CPPED1: variants seen among roughly 807,000 people sequenced by gnomAD.
The protein encoded by CPPED1 is serine/threonine-protein phosphatase CPPED1.
Under a neutral mutation model 28.0 loss-of-function variants are expected in CPPED1, and 28 were observed. The observed-to-expected ratio is 1.00, with a 90% CI of 0.74 to 1.37. CPPED1 has a LOEUF of 1.37. CPPED1 is among the 40% of genes most tolerant of loss of function. The probability of loss-of-function intolerance (pLI) is 0.00; values close to 1 mark genes in which losing one functional copy is unlikely to be tolerated. For synonymous variants in CPPED1, 198 were observed against 180.2 expected (o/e 1.10, Z -0.79); for missense variants, 504 against 416.5 (o/e 1.21, Z -1.83).
chr16:12,688,293 G>T (rs1224671600), intron 3 of CPPED1, among the ~76,000 whole-genome samples: 21 of 148,188 alleles, frequency 1.4e-4, no homozygotes, highest in Non-Finnish European at 2.7e-4. Context: ...TAAGTAATAA[G>T]AAACAACTCT....
At chr16:12,700,110 C>A (rs1238726481) in intron 3 of CPPED1, among the ~76,000 whole-genome samples, 1 of 152,192 alleles carries the variant, frequency 6.6e-6, no homozygotes, top group Non-Finnish European at 1.5e-5. Flanking sequence ...GAAGGTCATT[C>A]AGCAAAAGGC....
intron 2 of CPPED1, among the ~76,000 whole-genome samples, chr16:12,707,738 G>A (rs570420353): frequency 1.4e-4 from 22 of 152,296 alleles, no homozygotes; most frequent in African/African-American, 5.1e-4. Flanking sequence ...ACACAGTAAT[G>A]TGATGTGTGT....
intron 2 of CPPED1, among the ~76,000 whole-genome samples, chr16:12,778,248 ATTTTC>A (rs1315694769): frequency 1.5e-5 from 2 of 133,650 alleles, no homozygotes; most frequent in African/African-American, 2.7e-5. Context: ...GGCCCAAGAT[ATTTTC>A]TTTTCTTTTT....
intron 2 of CPPED1, among the ~76,000 whole-genome samples, chr16:12,714,011 T>G (rs2080093537): frequency 6.6e-6 from 1 of 152,188 alleles, no homozygotes; most frequent in Admixed American, 6.5e-5. Context: ...TCCAGGCATT[T>G]CATAGAAATA....
At chr16:12,665,393 AGAAG>A (rs1178018219) in intron 3 of CPPED1, among the ~76,000 whole-genome samples, 1 of 152,172 alleles carries the variant, frequency 6.6e-6, no homozygotes, top group African/African-American at 2.4e-5. Flanking sequence ...AGAAAATGAG[AGAAG>A]GAAGATGAAG....
intron 2 of CPPED1, among the ~76,000 whole-genome samples, chr16:12,734,303 C>G (rs1246825440): frequency 1.3e-5 from 2 of 152,014 alleles, no homozygotes; most frequent in East Asian, 3.9e-4. Flanking sequence ...CTCCTGGCCT[C>G]AAGTGATCTG....
intron 2 of CPPED1, among the ~76,000 whole-genome samples, chr16:12,738,661 T>C (rs1024106376): frequency 6.6e-6 from 1 of 151,998 alleles, no homozygotes; most frequent in Admixed American, 6.6e-5. Flanking sequence ...AGGAAAAAAA[T>C]TATTCAAATT....
chr16:12,682,045 C>CT lies in CPPED1; in HGVS notation c.716-16931dup, dbSNP rs1304864300. Among the ~76,000 whole-genome samples the CT allele has an allele frequency of 1.3e-5, 2 of 151,982 alleles. No homozygotes were observed. Among genetic ancestry groups the CT allele is most frequent in the Non-Finnish European group, 2.9e-5 (2 of 67,994 alleles). ...CCCCCAGACTCACTGCCGTTTATTA[C>CT]TTTTTTGAGACAGTGTCTCTCTCGG... On this transcript the variant is annotated intron_variant, in intron 3 of 3. Transcript: ENST00000381774. The surrounding 1 kb of genome is among the most constrained non-coding windows in gnomAD (Gnocchi z 6.1).
rs570353386 is a variant in CPPED1, at chr16:12,710,090, A to G, written c.290-5041T>C. On this transcript the variant is annotated intron_variant, in intron 2 of 3. Coordinates refer to ENST00000381774, the MANE Select transcript of CPPED1 (RefSeq NM_018340.3). ...TCAATTCTCAGAAGACTGTCTCCAC[A>G]GAAAATCCCAAATAATCTACAAAAA... 3.3e-5 allele frequency among the ~76,000 whole-genome samples: 5 copies of G among 152,356 alleles called. 1 individual carries two copies. Among genetic ancestry groups the G allele is most frequent in the African/African-American group, 1.2e-4 (5 of 41,594 alleles).
intron 2 of CPPED1, among the ~76,000 whole-genome samples, chr16:12,734,259 G>A (rs746678648): frequency 6.6e-6 from 1 of 151,762 alleles, no homozygotes; most frequent in Non-Finnish European, 1.5e-5. Flanking sequence ...TAGTAGAAAC[G>A]GGGCTTTGCG....
chr16:12,729,885 G>T (rs772967171), intron 2 of CPPED1, among the ~76,000 whole-genome samples: 2 of 152,088 alleles, frequency 1.3e-5, no homozygotes, highest in Non-Finnish European at 2.9e-5. Context: ...TTTTGAGATG[G>T]GAGTCTCACT....
chr16:12,786,709 A>T (rs1473831958), intron 1 of CPPED1, among the ~76,000 whole-genome samples: 1 of 152,190 alleles, frequency 6.6e-6, no homozygotes, highest in African/African-American at 2.4e-5. Context: ...TCACGAGGTC[A>T]AAAGATCAAG....
intron 1 of CPPED1, among the ~76,000 whole-genome samples, chr16:12,794,419 GAA>G (rs962752822): frequency 7.0e-6 from 1 of 143,454 alleles, no homozygotes; most frequent in Non-Finnish European, 1.5e-5. Flanking sequence ...GTTGTTAAAG[GAA>G]AAAAAAAAAA....
At chr16:12,701,984 G>A (rs925836473) in intron 3 of CPPED1, among the ~76,000 whole-genome samples, 3 of 152,198 alleles carry the variant, frequency 2.0e-5, no homozygotes, top group Non-Finnish European at 4.4e-5. Context: ...GGCTTCCCAT[G>A]TAGCTCTGCC....
chr16:12,781,837 C>T (rs532964361), intron 1 of CPPED1, among the ~76,000 whole-genome samples: 4 of 152,202 alleles, frequency 2.6e-5, no homozygotes, highest in East Asian at 1.9e-4. Context: ...TGTGAGGCTT[C>T]GTGGCACCAT....
chr16:12,694,968 G>C (rs1469957737), intron 3 of CPPED1, among the ~76,000 whole-genome samples: 1 of 151,998 alleles, frequency 6.6e-6, no homozygotes, highest in African/African-American at 2.4e-5. Context: ...AGTAGAGACA[G>C]GGTTTCACCA....
intron 1 of CPPED1, among the ~76,000 whole-genome samples, chr16:12,789,500 C>G (rs2080583717): frequency 6.6e-6 from 1 of 151,960 alleles, no homozygotes; most frequent in African/African-American, 2.4e-5. Context: ...AAACAACAAG[C>G]CAGGAAAAAA....
chr16:12,665,298 T>C lies in CPPED1; in HGVS notation c.716-183A>G, dbSNP rs184438483. 2.0e-3 allele frequency among the ~76,000 whole-genome samples: 299 copies of C among 152,204 alleles called. 2 individuals carry two copies. The highest frequency in any genetic ancestry group is 6.7e-3 in the African/African-American group (280 of 41,532). On this transcript the variant is annotated intron_variant, in intron 3 of 3. Coordinates refer to ENST00000381774, the MANE Select transcript of CPPED1 (RefSeq NM_018340.3). ...ATCAACAAATAGAAAGCGTATGTGA[T>C]GTCCAGAATCTTTGAAAGGATACTT...
intron 2 of CPPED1, among the ~76,000 whole-genome samples, chr16:12,758,244 G>C (rs7187198): frequency 0.4 from 60,172 of 151,882 alleles, 12,352 homozygotes; most frequent in Middle Eastern, 0.49. Flanking sequence ...CCAAGCAACC[G>C]AGGAATACAG....
Sources: allele counts gnomAD v4.1 joint callset (sites outside exome capture counted in the v4.1 genomes callset), GRCh38; gene constraint gnomAD v4.1.1; non-coding constraint Gnocchi (gnomAD v3.1); transcripts MANE v1.5; gene names NCBI Gene and HGNC (gene_info 2026-07-23, HGNC 2026-07-21).